OSBPL10: variants seen among roughly 807,000 people sequenced by gnomAD.
The protein encoded by OSBPL10 is oxysterol binding protein like 10.
Under a neutral mutation model 81.7 loss-of-function variants are expected in OSBPL10, and 49 were observed. That is an observed-to-expected ratio of 0.60 (90% CI 0.48 to 0.76). The LOEUF (loss-of-function observed/expected upper bound fraction) is 0.76. Among genes scored for constraint, OSBPL10 ranks in the 30% least tolerant of loss-of-function variants. OSBPL10 has a pLI of 0.00. For synonymous variants in OSBPL10, 419 were observed against 383.6 expected (o/e 1.09, Z -1.08); for missense variants, 923 against 987.8 (o/e 0.93, Z 0.88).
At chr3:31,730,771 A>C (rs1363599299) in intron 6 of OSBPL10, among the ~76,000 whole-genome samples, 1 of 152,246 alleles carries the variant, frequency 6.6e-6, no homozygotes, top group Middle Eastern at 3.2e-3. Flanking sequence ...TTTTATGGGA[A>C]GCCAGAACCA....
chr3:31,691,777 C>T (rs1044752814), intron 7 of OSBPL10, among the ~76,000 whole-genome samples: 3 of 151,924 alleles, frequency 2.0e-5, no homozygotes, highest in Non-Finnish European at 2.9e-5. Flanking sequence ...GAGCCATCTT[C>T]GTATTTTATC....
chr3:31,821,373 A>T (rs1050900201), intron 4 of OSBPL10, among the ~76,000 whole-genome samples: 1 of 152,158 alleles, frequency 6.6e-6, no homozygotes, highest in Non-Finnish European at 1.5e-5. Flanking sequence ...AAGGGATTGT[A>T]GGGGTGCTCA....
chr3:32,018,522 A>T (rs1389063595), intron 2 of OSBPL10, among the ~76,000 whole-genome samples: 5 of 152,198 alleles, frequency 3.3e-5, no homozygotes, highest in African/African-American at 1.2e-4. Flanking sequence ...ACCACACTGG[A>T]AAAAAGTTTA....
At chr3:31,938,816 G>A (rs967944019) in intron 1 of OSBPL10, among the ~76,000 whole-genome samples, 3 of 151,994 alleles carry the variant, frequency 2.0e-5, no homozygotes, top group Non-Finnish European at 2.9e-5. Flanking sequence ...AAACCTCCTC[G>A]ACTTTGCCCA....
chr3:31,742,178 C>T (rs1697372832), intron 5 of OSBPL10, among the ~76,000 whole-genome samples: 1 of 152,154 alleles, frequency 6.6e-6, no homozygotes, highest in Admixed American at 6.5e-5. Context: ...ACAAAGAAAG[C>T]AAAGGAAGTC....
intron 3 of OSBPL10, among the ~76,000 whole-genome samples, chr3:31,846,728 A>G (rs567501714): frequency 2.2e-4 from 33 of 151,736 alleles, no homozygotes; most frequent in Non-Finnish European, 4.3e-4. Context: ...CACTCTCTTG[A>G]CTACCCTTTG....
Position 31,938,190 on chromosome 3 carries a change from A to G in OSBPL10, c.281+42709T>C, listed in dbSNP as rs1039647122. Among the ~76,000 whole-genome samples the G allele has an allele frequency of 2.6e-5, 4 of 151,558 alleles. No homozygotes were observed. In the East Asian group the frequency reaches 7.8e-4, roughly 30 times the overall value. ...GATGCTCCAATTTGCTAGCACCTCT[A>G]TTTTCTTCTTCTCTGACAGGCCTCT... On this transcript the variant is annotated intron_variant, in intron 1 of 11. Transcript: ENST00000396556.
chr3:32,026,736 T>G (rs1699419008), intron 2 of OSBPL10, among the ~76,000 whole-genome samples: 1 of 152,218 alleles, frequency 6.6e-6, no homozygotes, highest in Admixed American at 6.5e-5. Flanking sequence ...CCCACACAGC[T>G]GCATTTTGCA....
chr3:31,961,999 G>A (rs1575062928), intron 1 of OSBPL10, among the ~76,000 whole-genome samples: 2 of 151,306 alleles, frequency 1.3e-5, no homozygotes, highest in East Asian at 3.9e-4. Context: ...CTGTCGCCCA[G>A]GCTGGAGTGC....
intron 7 of OSBPL10, among the ~76,000 whole-genome samples, chr3:31,701,332 T>C (rs1268267349): frequency 2.0e-5 from 3 of 152,216 alleles, no homozygotes; most frequent in Non-Finnish European, 4.4e-5. Context: ...TTTTTCTAGC[T>C]GGCCTTCAGA....
chr3:31,872,396 C>T (rs879746288), intron 3 of OSBPL10, among the ~76,000 whole-genome samples: 5 of 151,246 alleles, frequency 3.3e-5, no homozygotes, highest in Non-Finnish European at 7.4e-5. Context: ...GGAGGCTGGG[C>T]GAGATAGCCA....
chr3:32,066,320 C>T (rs1471565840), intron 1 of OSBPL10, among the ~76,000 whole-genome samples: 1 of 129,248 alleles, frequency 7.7e-6, no homozygotes, highest in Non-Finnish European at 1.8e-5. Context: ...ACCTCTTATC[C>T]TTGATATTTC....
At chr3:31,868,039 C>T (rs976813464) in intron 3 of OSBPL10, among the ~76,000 whole-genome samples, 1 of 151,808 alleles carries the variant, frequency 6.6e-6, no homozygotes, top group African/African-American at 2.4e-5. Context: ...GTACAAGTTC[C>T]GTGCATATGA....
At chr3:31,916,332 A>G (rs1326160992) in intron 1 of OSBPL10, among the ~76,000 whole-genome samples, 2 of 152,180 alleles carry the variant, frequency 1.3e-5, no homozygotes, top group Non-Finnish European at 2.9e-5. Context: ...CCCCAATTCT[A>G]AAGTCACGTA....
At chr3:32,015,704 T>G (rs908777122) in intron 2 of OSBPL10, among the ~76,000 whole-genome samples, 1 of 152,172 alleles carries the variant, frequency 6.6e-6, no homozygotes, top group African/African-American at 2.4e-5. Context: ...CTACTCATCT[T>G]ACAAAGGGCT....
intron 6 of OSBPL10, among the ~76,000 whole-genome samples, chr3:31,710,123 G>C (rs945859685): frequency 6.6e-6 from 1 of 152,178 alleles, no homozygotes; most frequent in South Asian, 2.1e-4. Flanking sequence ...TCTGGCTGCA[G>C]ATAGTCCTGG....
chr3:31,969,289 C>G (rs1157655165), intron 1 of OSBPL10: 1 of 152,600 alleles, frequency 6.6e-6, no homozygotes, highest in Non-Finnish European at 1.5e-5. Flanking sequence ...TCATCCATCC[C>G]CTAAACACTC....
chr3:32,008,542 G>C (rs927737463), intron 2 of OSBPL10, among the ~76,000 whole-genome samples: 6 of 150,040 alleles, frequency 4.0e-5, no homozygotes, highest in African/African-American at 1.5e-4. Context: ...ACCAGCCTGG[G>C]CAACATGGCC....
chr3:31,833,699 GCACA>G (rs1270463379), intron 3 of OSBPL10, among the ~76,000 whole-genome samples: 4 of 118,828 alleles, frequency 3.4e-5, no homozygotes, highest in East Asian at 2.8e-4. Context: ...ACACGCACAC[GCACA>G]CGCACACACA....
Sources: allele counts gnomAD v4.1 joint callset (sites outside exome capture counted in the v4.1 genomes callset), GRCh38; gene constraint gnomAD v4.1.1; transcripts MANE v1.5; gene names NCBI Gene and HGNC (gene_info 2026-07-23, HGNC 2026-07-21).